UBE3C: variants seen among roughly 807,000 people sequenced by gnomAD.
UBE3C encodes the protein ubiquitin protein ligase E3C.
In UBE3C, 42 loss-of-function variants were observed where a neutral mutation model predicts 129.4. The observed-to-expected ratio is 0.32, with a 90% CI of 0.25 to 0.42. The LOEUF (loss-of-function observed/expected upper bound fraction) is 0.42. UBE3C is among the 10% of genes least tolerant of loss of function. The pLI, the probability that UBE3C is intolerant of heterozygous loss-of-function variation, is 1.00. For missense variants in UBE3C, 1,049 were observed against 1,319.1 expected (o/e 0.80, Z 3.17); for synonymous variants, 510 against 492.4 (o/e 1.04, Z -0.47).
At chr7:157,201,857 C>T in intron 11 of UBE3C, 50 bp downstream of exon 11, 1 of 1,478,820 alleles carries the variant, frequency 6.8e-7, no homozygotes, top group Admixed American at 1.9e-5. Flanking sequence ...CAGGAAGTGG[C>T]AGCCTAATCA....
At chr7:157,192,863 TAAA>T (rs35549618) in intron 10 of UBE3C, 150 of 747,232 alleles carry the variant, frequency 2.0e-4, no homozygotes, top group South Asian at 5.2e-4. Flanking sequence ...GACATGAACT[TAAA>T]AAAAAAAAAA....
At position 157,213,618 on chromosome 7, in the gene UBE3C, T is replaced by C. The variant is rs141369980; in HGVS notation, c.1810-3249T>C. Among the ~76,000 whole-genome samples, 600 of 152,354 alleles carry C rather than the reference T, an allele frequency of 3.9e-3. 4 individuals carry two copies. The highest frequency in any genetic ancestry group is 6.2e-3 in the Non-Finnish European group (423 of 68,036). Reference sequence around the variant, plus strand: ...TGAAAGTGAATGTGGAAAAAAGGAATGTGTTAAGGTGTTTCGAGATCACAA... The same window carrying C: ...TGAAAGTGAATGTGGAAAAAAGGAACGTGTTAAGGTGTTTCGAGATCACAA... On this transcript the variant is annotated intron_variant, in intron 13 of 22. Coordinates refer to ENST00000348165, the MANE Select transcript of UBE3C (RefSeq NM_014671.3).
At chr7:157,168,477 A>C (rs138407607) in intron 2 of UBE3C, among the ~76,000 whole-genome samples, 1 of 152,346 alleles carries the variant, frequency 6.6e-6, no homozygotes, top group African/African-American at 2.4e-5. Context: ...TATCCACAAC[A>C]AAACTTATAT....
At chr7:157,261,355 A>C (rs1189617254) in intron 22 of UBE3C, among the ~76,000 whole-genome samples, 1 of 149,162 alleles carries the variant, frequency 6.7e-6, no homozygotes, top group Non-Finnish European at 1.5e-5. Context: ...AATAGACTAA[A>C]AGGGAAAATC....
At chr7:157,229,930 T>TA (rs56180280) in intron 17 of UBE3C, among the ~76,000 whole-genome samples, 76,999 of 151,624 alleles carry the variant, frequency 0.51, 22,820 homozygotes, top group Non-Finnish European at 0.65. Flanking sequence ...ATTTATTTTT[T>TA]TTTTTTTTGA....
chr7:157,145,307 CAA>C (rs35892200), intron 1 of UBE3C, among the ~76,000 whole-genome samples: 6,975 of 152,048 alleles, frequency 0.046, 213 homozygotes, highest in Non-Finnish European at 0.071. Context: ...CACCTGGAGT[CAA>C]GAGTTCGAGA....
chr7:157,152,899 CGTT>C (rs959542016), intron 1 of UBE3C, among the ~76,000 whole-genome samples: 10 of 152,246 alleles, frequency 6.6e-5, no homozygotes, highest in African/African-American at 2.4e-4. Context: ...GCAGCTTTAA[CGTT>C]GTTTAATTTT....
chr7:157,165,185 C>T (rs1194981782), intron 2 of UBE3C, among the ~76,000 whole-genome samples: 9 of 152,072 alleles, frequency 5.9e-5, no homozygotes, highest in South Asian at 2.1e-4. Flanking sequence ...GGAAAATTCT[C>T]GGCCATTATC....
At chr7:157,196,758 C>G (rs1358401104) in intron 10 of UBE3C, among the ~76,000 whole-genome samples, 1 of 149,068 alleles carries the variant, frequency 6.7e-6, no homozygotes, top group Non-Finnish European at 1.5e-5. Context: ...CACCTGAGGT[C>G]GGGAGTTTGA....
chr7:157,204,398 C>CAAAAAAAAAAAAA lies in UBE3C; in HGVS notation c.1418+2599_1418+2611dup, dbSNP rs35298527. Among the ~76,000 whole-genome samples the CAAAAAAAAAAAAA allele has an allele frequency of 7.3e-3, 625 of 86,168 alleles. 23 individuals are homozygous for CAAAAAAAAAAAAA. The highest frequency in any genetic ancestry group is 0.058 in the East Asian group (160 of 2,776). 56.5% of individuals were successfully genotyped at this position (86,168 alleles called of 152,430 possible). A position where few individuals can be genotyped will look rare whatever the true frequency, so the allele number is the denominator to read the frequency against. The stretch of plus-strand genomic sequence containing the variant: ...GGGTAACAAGAGGGAAACTTTGTTT[C>CAAAAAAAAAAAAA]AAAAAAAAAAAAAAAAAAAATTTCA... On this transcript the variant is annotated intron_variant, in intron 11 of 22. Transcript: ENST00000348165.
intron 10 of UBE3C, chr7:157,198,225 T>A: frequency 6.9e-7 from 1 of 1,450,610 alleles, no homozygotes; most frequent in Non-Finnish European, 9.7e-7. Flanking sequence ...ACAAAAGGAA[T>A]TACCCAATCT....
chr7:157,166,991 A>G (rs546823373), intron 2 of UBE3C, among the ~76,000 whole-genome samples: 1 of 151,678 alleles, frequency 6.6e-6, no homozygotes, highest in East Asian at 2.0e-4. Context: ...GTGCAGTGAC[A>G]TGATCTCAGC....
chr7:157,154,602 A>G (rs1049993459), intron 1 of UBE3C, among the ~76,000 whole-genome samples: 2 of 152,200 alleles, frequency 1.3e-5, no homozygotes, highest in Admixed American at 6.5e-5. Context: ...CCACTTTCCT[A>G]TCAATGGATA....
chr7:157,143,947 G>A (rs2116786467), intron 1 of UBE3C, among the ~76,000 whole-genome samples: 1 of 152,314 alleles, frequency 6.6e-6, no homozygotes, highest in Non-Finnish European at 1.5e-5. Flanking sequence ...CGGGAGTGGA[G>A]GAGAGTGGTG....
chr7:157,260,893 C>T (rs1241748744), intron 22 of UBE3C, among the ~76,000 whole-genome samples: 1 of 152,166 alleles, frequency 6.6e-6, no homozygotes, highest in Non-Finnish European at 1.5e-5. Context: ...CCTAGGAGTG[C>T]GAGAGCCTTC....
At chr7:157,226,849 A>G (rs3824058) in intron 17 of UBE3C, among the ~76,000 whole-genome samples, 27,685 of 151,944 alleles carry the variant, frequency 0.18, 2,704 homozygotes, top group East Asian at 0.36. Context: ...CCACAGGGCC[A>G]GGTTTGTCTT....
In UBE3C at chr7:157,163,937, T is replaced by G. The variant is rs888343602; in HGVS notation, c.120+74T>G. 37 of 1,351,662 alleles carry G rather than the reference T, an allele frequency of 2.7e-5. 1 individual carries two copies. The Middle Eastern group carries it at 2.9e-3, about 106-fold the overall frequency. The allele number at this position is 1,351,662 out of a possible 1,614,324, so 83.7% of individuals were successfully genotyped here. A position where few individuals can be genotyped will look rare whatever the true frequency, so the allele number is the denominator to read the frequency against. ...ATTTAAACATGCCTTGGTTTTACTG[T>G]ATATATGTATGTGTGTATGTATTTT... is the stretch of plus-strand genomic sequence containing the variant. On this transcript the variant is annotated intron_variant, in intron 2 of 22. Transcript: ENST00000348165.
intron 10 of UBE3C, among the ~76,000 whole-genome samples, chr7:157,188,051 C>T (rs1244024221): frequency 6.6e-6 from 1 of 152,182 alleles, no homozygotes; most frequent in Non-Finnish European, 1.5e-5. Flanking sequence ...TTTTCTCTCC[C>T]TCCAATTTGA....
At chr7:157,265,736 C>A (rs1797059544) in intron 22 of UBE3C, among the ~76,000 whole-genome samples, 1 of 152,200 alleles carries the variant, frequency 6.6e-6, no homozygotes, top group African/African-American at 2.4e-5. Context: ...AGAACATTTT[C>A]TCATGCGTGC....
Sources: gnomAD v4.1 joint callset for allele counts (sites outside exome capture counted in the v4.1 genomes callset) on GRCh38, gnomAD v4.1.1 for gene constraint, MANE v1.5 for transcripts, NCBI Gene and HGNC (gene_info 2026-07-23, HGNC 2026-07-21) for gene names.